ZNF568: variants seen among roughly 807,000 people sequenced by gnomAD.
ZNF568 encodes the protein p53 inhibitor of SCO2 activation.
ZNF568 carries 11 observed loss-of-function variants against 18.1 expected under a neutral mutation model. That is an observed-to-expected ratio of 0.61 (90% CI 0.38 to 1.00). ZNF568 has a LOEUF of 1.00. Ranked by LOEUF, ZNF568 falls within the 50% of genes least tolerant of loss-of-function variation. The pLI, the probability that ZNF568 is intolerant of heterozygous loss-of-function variation, is 0.01. For missense variants in ZNF568, 639 were observed against 768.2 expected (o/e 0.83, Z 1.99); for synonymous variants, 213 against 246.6 (o/e 0.86, Z 1.28).
chr19:36,949,949 A>G lies in ZNF568; in HGVS notation c.796A>G (p.Ile266Val). The change falls in exon 7 of 7, where the codon ATT becomes GTT. Residue 266 changes from isoleucine (I) to valine (V), a missense_variant. By Grantham distance (29) the Ile-to-Val change is conservative. Coordinates refer to ENST00000333987, the MANE Select transcript of ZNF568 (RefSeq NM_198539.4). ...GKAFSRKENL[I>V]THQKIHTGEK... ...AGCCTTCAGTAGGAAGGAAAATCTT[A>G]TTACACATCAGAAAATTCATACTGG... 6.2e-7 allele frequency: 1 copy of G among 1,613,902 alleles called. No homozygotes were observed. Among genetic ancestry groups the G allele is most frequent in the Non-Finnish European group, 8.5e-7 (1 of 1,179,952 alleles).
rs978698933 is a variant in ZNF568, at chr19:36,951,156, C to T, written c.*68C>T. On this transcript the variant is annotated 3_prime_UTR_variant, in exon 7 of 7. Transcript: ENST00000333987. Reference sequence around the variant, plus strand: ...ATATCTTGGCATAAGCTCAAAAAAGCCAGGATCTTTATGGAAAAATTTTAA... The same window carrying T: ...ATATCTTGGCATAAGCTCAAAAAAGTCAGGATCTTTATGGAAAAATTTTAA... 14 of 1,432,336 alleles carry T rather than the reference C, an allele frequency of 9.8e-6. No homozygotes were observed. The Admixed American group carries it at 3.4e-4, about 35-fold the overall frequency. 88.7% of individuals were successfully genotyped at this position (1,432,336 alleles called of 1,614,324 possible).
intron 6 of ZNF568, among the ~76,000 whole-genome samples, chr19:36,961,513 C>A (rs1298786856): frequency 6.6e-6 from 1 of 151,676 alleles, no homozygotes; most frequent in Non-Finnish European, 1.5e-5. Context: ...GAAATTTAAT[C>A]CATTTATATT....
chr19:36,937,438 T>C (rs1305040861), intron 6 of ZNF568, among the ~76,000 whole-genome samples, 196 bp downstream of exon 6: 1 of 152,238 alleles, frequency 6.6e-6, no homozygotes, highest in African/African-American at 2.4e-5. Flanking sequence ...TTTCCTCTTT[T>C]AAATTGTAGA....
intron 4 of ZNF568, 119 bp from the exon 5 acceptor site, chr19:36,936,627 T>G (rs1282131419): frequency 1.1e-6 from 1 of 926,972 alleles, no homozygotes; most frequent in African/African-American, 1.6e-5. Flanking sequence ...CCTTTCTCTC[T>G]TCTTCTTCTA....
intron 6 of ZNF568, among the ~76,000 whole-genome samples, chr19:36,938,101 T>C (rs1033206718): frequency 2.6e-5 from 4 of 152,228 alleles, no homozygotes; most frequent in African/African-American, 9.6e-5. Flanking sequence ...GTGCTAAATA[T>C]ATAAATTAAC....
intron 4 of ZNF568, among the ~76,000 whole-genome samples, chr19:36,995,688 G>C (rs904776942): frequency 6.7e-6 from 1 of 150,358 alleles, no homozygotes; most frequent in African/African-American, 2.5e-5. Context: ...ATATTGTTTC[G>C]TATACAGTAG....
At chr19:36,978,780 A>G (rs2146338967) in intron 7 of ZNF568, among the ~76,000 whole-genome samples, 1 of 152,232 alleles carries the variant, frequency 6.6e-6, no homozygotes, top group South Asian at 2.1e-4. Context: ...AACTACTAGC[A>G]GTTCCCAGAT....
rs576904208 is a variant in ZNF568 at position 36,943,706 on chromosome 19, TG to T, written c.359-5803del. Among the ~76,000 whole-genome samples the T allele has an allele frequency of 1.9e-3, 291 of 152,142 alleles. 6 individuals are homozygous for T. Among genetic ancestry groups the T allele is most frequent in the Admixed American group, 0.012 (183 of 15,272 alleles). Reference sequence around the variant, plus strand: ...TCTCGTGCCTCCACCTCCCGAGTACTGGGATTAAAGGTGTGCGCCACCACAC... The same window carrying T: ...TCTCGTGCCTCCACCTCCCGAGTACTGGATTAAAGGTGTGCGCCACCACAC... On this transcript the variant is annotated intron_variant, in intron 6 of 6. Transcript: ENST00000333987.
intron 6 of ZNF568, among the ~76,000 whole-genome samples, chr19:36,938,516 A>G (rs940861478): frequency 2.6e-5 from 4 of 152,202 alleles, no homozygotes; most frequent in African/African-American, 9.7e-5. Context: ...GCATGGATAT[A>G]TAACAGTATA....
intron 4 of ZNF568, among the ~76,000 whole-genome samples, chr19:36,927,889 ATATATATATATATATTTTTTTTTTTTTT>A (rs1568381512): frequency 3.6e-4 from 8 of 22,106 alleles, no homozygotes; most frequent in African/African-American, 1.5e-3. Flanking sequence ...TATATATATT[ATATATATATATATATTTTTTTTTTTTTT>A]TTTTTTTTTT....
rs1161672055 is a variant in ZNF568 at position 36,928,076 on chromosome 19, G to A, written c.135+2818G>A. The stretch of plus-strand genomic sequence containing the variant: ...ATTACAGGGGTACACCACCATGCCT[G>A]GCTAAGTTTTTGCATTTTTAGTAGA... On this transcript the variant is annotated intron_variant, in intron 4 of 6. Coordinates refer to ENST00000333987, the MANE Select transcript of ZNF568 (RefSeq NM_198539.4). 2.0e-5 allele frequency among the ~76,000 whole-genome samples: 3 copies of A among 149,880 alleles called. 1 individual carries two copies. The highest frequency in any genetic ancestry group is 1.3e-4 in the Admixed American group (2 of 14,954).
chr19:36,970,699 A>C (rs544022719), intron 6 of ZNF568, among the ~76,000 whole-genome samples: 25 of 152,266 alleles, frequency 1.6e-4, no homozygotes, highest in African/African-American at 6.0e-4. Context: ...TATAAGTTGG[A>C]TATAAATACA....
rs960324212 is a variant in ZNF568, at chr19:36,964,276, A to G, written c.359-10144A>G. Among the ~76,000 whole-genome samples, 7 of 151,914 alleles carry G rather than the reference A, an allele frequency of 4.6e-5. No individual in the cohort carries two copies. The East Asian group carries it at 5.8e-4, about 13-fold the overall frequency. On this transcript the variant is annotated intron_variant, in intron 6 of 7. Coordinates refer to the ZNF568 transcript ENST00000427117. Reference sequence around the variant, plus strand: ...TCCTAAGAGAAGGAAGGAAGGAAGGAAGGGAGGGAGGGTCCAAGTCACATA... The same window carrying G: ...TCCTAAGAGAAGGAAGGAAGGAAGGGAGGGAGGGAGGGTCCAAGTCACATA...
At chr19:36,997,818 G>A (rs2074493525), downstream of ZNF568, 1 of 532,224 alleles carries the variant, frequency 1.9e-6, no homozygotes. Flanking sequence ...CCTTATAAAT[G>A]TTAGGAATTA....
At chr19:36,963,139 A>G (rs1464364160) in intron 6 of ZNF568, among the ~76,000 whole-genome samples, 1 of 152,218 alleles carries the variant, frequency 6.6e-6, no homozygotes, top group Admixed American at 6.5e-5. Flanking sequence ...TTTGGGGACT[A>G]TCAAGAATAA....
chr19:36,947,422 C>T (rs544304136), intron 6 of ZNF568, among the ~76,000 whole-genome samples: 1 of 152,246 alleles, frequency 6.6e-6, no homozygotes, highest in East Asian at 1.9e-4. Context: ...GGCTAAATAA[C>T]AGAAAGGGAT....
intron 4 of ZNF568, among the ~76,000 whole-genome samples, chr19:36,994,112 G>A (rs2074449008): frequency 6.7e-6 from 1 of 148,858 alleles, no homozygotes; most frequent in African/African-American, 2.5e-5. Context: ...TTGGTATGTT[G>A]ACTTTTCATT....
At chr19:36,997,270 A>G (rs1310883666), downstream of ZNF568, 5 of 1,603,822 alleles carry the variant, frequency 3.1e-6, no homozygotes, top group Non-Finnish European at 4.3e-6. Flanking sequence ...TCGACATCAG[A>G]GTGTCCATAC....
intron 6 of ZNF568, among the ~76,000 whole-genome samples, chr19:36,965,308 T>C (rs1039746402): frequency 1.3e-5 from 2 of 152,136 alleles, no homozygotes; most frequent in Admixed American, 1.3e-4. Flanking sequence ...AGGACAACCA[T>C]GTATCATAAA....
Sources: allele counts gnomAD v4.1 joint callset (sites outside exome capture counted in the v4.1 genomes callset), GRCh38; gene constraint gnomAD v4.1.1; transcripts MANE v1.5; gene names NCBI Gene and HGNC (gene_info 2026-07-23, HGNC 2026-07-21).